Variants in NPAS3 observed in about 807,000 individuals in gnomAD.
NPAS3 encodes the protein neuronal PAS domain protein 3.
A neutral mutation model predicts 73.1 loss-of-function variants in NPAS3; 14 were observed. That is an observed-to-expected ratio of 0.19 (90% CI 0.13 to 0.30). The LOEUF (loss-of-function observed/expected upper bound fraction) is 0.30. Ranked by LOEUF, NPAS3 falls within the 10% of genes least tolerant of loss-of-function variation. NPAS3 has a pLI of 1.00. For synonymous variants in NPAS3, 620 were observed against 541.5 expected (o/e 1.14, Z -2.01); for missense variants, 1,096 against 1,250.0 (o/e 0.88, Z 1.86).
chr14:32,939,114 GGCCGCCGCCGCCGCCGCC>G (rs536218835), upstream of NPAS3: 3 of 149,212 alleles, frequency 2.0e-5, no homozygotes, highest in Admixed American at 7.2e-5. Flanking sequence ...TCAGCAGCAC[GGCCGCCGCCGCCGCCGCC>G]GCCGCCGCCA....
chr14:33,658,318 G>T (rs1196830449), intron 5 of NPAS3, among the ~76,000 whole-genome samples: 1 of 152,144 alleles, frequency 6.6e-6, no homozygotes. Flanking sequence ...ACAGACTTTT[G>T]TTTCCCAGGC....
chr14:33,396,747 AC>A (rs2047239225), intron 4 of NPAS3, among the ~76,000 whole-genome samples: 1 of 152,146 alleles, frequency 6.6e-6, no homozygotes, highest in Non-Finnish European at 1.5e-5. Context: ...TGAACTTAAT[AC>A]CTTATATTCA....
chr14:33,511,134 C>T (rs1431011127), intron 4 of NPAS3, among the ~76,000 whole-genome samples: 1 of 152,008 alleles, frequency 6.6e-6, no homozygotes, highest in Non-Finnish European at 1.5e-5. Flanking sequence ...GTTCAGGTGC[C>T]TTGTGTTGGG....
At chr14:33,710,365 G>T (rs2060782731) in intron 6 of NPAS3, among the ~76,000 whole-genome samples, 1 of 152,156 alleles carries the variant, frequency 6.6e-6, no homozygotes, top group African/African-American at 2.4e-5. Flanking sequence ...TCACTGCTAG[G>T]CTTGAGATCT....
At chr14:33,673,554 A>AACAG (rs1567113976) in intron 5 of NPAS3, among the ~76,000 whole-genome samples, 1 of 151,956 alleles carries the variant, frequency 6.6e-6, no homozygotes, top group South Asian at 2.1e-4. Context: ...AACAGCAACA[A>AACAG]CAACAAGACA....
intron 7 of NPAS3, among the ~76,000 whole-genome samples, chr14:33,739,317 A>G (rs1279402532): frequency 6.6e-6 from 1 of 152,184 alleles, no homozygotes; most frequent in African/African-American, 2.4e-5. Flanking sequence ...ACCTGTAGCT[A>G]GGTACTAAAC....
At chr14:33,529,605 GA>G (rs2053953288) in intron 4 of NPAS3, among the ~76,000 whole-genome samples, 1 of 151,972 alleles carries the variant, frequency 6.6e-6, no homozygotes, top group Non-Finnish European at 1.5e-5. Flanking sequence ...GCATCCTAAA[GA>G]GACAAGAAAT....
chr14:33,277,484 C>A (rs1449828113), intron 3 of NPAS3, among the ~76,000 whole-genome samples: 1 of 152,102 alleles, frequency 6.6e-6, no homozygotes, highest in African/African-American at 2.4e-5. Flanking sequence ...AGAAAGTCAA[C>A]AAATACATAT....
intron 3 of NPAS3, among the ~76,000 whole-genome samples, chr14:33,279,889 T>TA: frequency 6.6e-6 from 1 of 152,260 alleles, no homozygotes; most frequent in East Asian, 1.9e-4. Flanking sequence ...AAAATCATTT[T>TA]AAAACCTAAT....
intron 1 of NPAS3, among the ~76,000 whole-genome samples, chr14:33,034,301 A>T (rs1010053879): frequency 6.6e-6 from 1 of 151,856 alleles, no homozygotes; most frequent in African/African-American, 2.4e-5. Context: ...ATTTCCAAAA[A>T]GATTATGTAA....
chr14:33,793,195 T>C (rs1185770012), intron 9 of NPAS3, among the ~76,000 whole-genome samples: 1 of 152,248 alleles, frequency 6.6e-6, no homozygotes, highest in African/African-American at 2.4e-5. Flanking sequence ...GGGCCATATT[T>C]CAGAGTCTGT....
chr14:33,500,286 T>C (rs1196024713), intron 4 of NPAS3, among the ~76,000 whole-genome samples: 2 of 151,862 alleles, frequency 1.3e-5, no homozygotes, highest in Non-Finnish European at 2.9e-5. Context: ...AGAAGTGGCA[T>C]TTTTAGTTTG....
At chr14:33,168,965 C>T (rs879100043) in intron 2 of NPAS3, among the ~76,000 whole-genome samples, 10 of 152,106 alleles carry the variant, frequency 6.6e-5, no homozygotes, top group African/African-American at 1.7e-4. Flanking sequence ...AAGATGAATT[C>T]GTTTTTCAAA....
chr14:33,299,746 G>C lies in NPAS3; in HGVS notation c.386-67440G>C, dbSNP rs886981336. On this transcript the variant is annotated intron_variant, in intron 3 of 11. Transcript: ENST00000356141. The stretch of plus-strand genomic sequence containing the variant: ...AAAAAAAGCAATGATAAAATATATA[G>C]AATTCCAGAGCATTTTTTTTTCTTT... 1.3e-4 allele frequency among the ~76,000 whole-genome samples: 20 copies of C among 152,010 alleles called. 1 individual carries two copies.
chr14:33,324,733 G>A (rs1157483039), intron 3 of NPAS3, among the ~76,000 whole-genome samples: 2 of 152,008 alleles, frequency 1.3e-5, no homozygotes, highest in Non-Finnish European at 2.9e-5. Flanking sequence ...TGGCTCTTTT[G>A]GTGTCCTTCT....
rs143793775 is a variant in NPAS3, at chr14:32,991,164, C to T, written c.50+51798C>T. On this transcript the variant is annotated intron_variant, in intron 1 of 11. Coordinates refer to ENST00000356141, the Ensembl canonical transcript of NPAS3. ...TTTTTAATTTTTTTTTTTGTAGACA[C>T]GGGGTCTCACTATGTTGCCCAGGCT... 2.9e-3 allele frequency among the ~76,000 whole-genome samples: 433 copies of T among 150,742 alleles called. 2 individuals carry two copies. The highest frequency in any genetic ancestry group is 6.9e-3 in the African/African-American group (282 of 40,924).
intron 2 of NPAS3, among the ~76,000 whole-genome samples, chr14:33,070,919 CT>C (rs2041463411): frequency 6.6e-6 from 1 of 152,120 alleles, no homozygotes; most frequent in African/African-American, 2.4e-5. Flanking sequence ...GTGCTTTTAC[CT>C]TTTTATCCAG....
intron 7 of NPAS3, among the ~76,000 whole-genome samples, chr14:33,767,350 G>A (rs942759002): frequency 1.3e-5 from 2 of 152,102 alleles, no homozygotes; most frequent in Non-Finnish European, 2.9e-5. Flanking sequence ...CAGAAGACCC[G>A]GCTAAGCCCT....
chr14:33,740,234 A>AT (rs1190393221), intron 7 of NPAS3, among the ~76,000 whole-genome samples: 1 of 152,168 alleles, frequency 6.6e-6, no homozygotes, highest in Non-Finnish European at 1.5e-5. Flanking sequence ...TGTTTCCTCA[A>AT]TTTTGAAGAT....
Sources: allele counts gnomAD v4.1 joint callset (sites outside exome capture counted in the v4.1 genomes callset), GRCh38; gene constraint gnomAD v4.1.1; transcripts MANE v1.5; gene names NCBI Gene and HGNC (gene_info 2026-07-23, HGNC 2026-07-21).